The following DENND1A variants were observed in gnomAD, a reference collection of about 807,000 sequenced individuals.
DENND1A encodes DENN domain containing 1A, also known as DENN domain-containing protein 1A.
A neutral mutation model predicts 113.7 loss-of-function variants in DENND1A; 51 were observed. The observed-to-expected ratio is 0.45, with a 90% CI of 0.36 to 0.57. The LOEUF is 0.57. Among genes scored for constraint, DENND1A ranks in the 20% least tolerant of loss-of-function variants. The pLI is 0.00. For missense variants in DENND1A, 1,258 were observed against 1,395.9 expected, an observed-to-expected ratio of 0.90 and a Z score of 1.57; for synonymous variants, 565 against 570.8, an observed-to-expected ratio of 0.99 and a Z score of 0.14.
intron 19 of DENND1A, among the ~76,000 whole-genome samples, chr9:123,429,651 T>C (rs1271029662): frequency 2.0e-5 from 3 of 151,992 alleles, no homozygotes; most frequent in Non-Finnish European, 4.4e-5. Context: ...ATGCAGAAAA[T>C]TGAAAGTAGA....
intron 13 of DENND1A, among the ~76,000 whole-genome samples, chr9:123,522,627 A>C (rs957370017): frequency 6.6e-6 from 1 of 152,172 alleles, no homozygotes; most frequent in Non-Finnish European, 1.5e-5. Flanking sequence ...ACTTCACACC[A>C]AAGTGGGTGA....
chr9:123,640,313 G>A (rs2061959929), intron 9 of DENND1A, among the ~76,000 whole-genome samples: 1 of 152,220 alleles, frequency 6.6e-6, no homozygotes, highest in Admixed American at 6.5e-5. Context: ...AGACATCAGA[G>A]CCCTGAAGGT....
At chr9:123,810,414 A>G (rs1197803180) in intron 2 of DENND1A, among the ~76,000 whole-genome samples, 1 of 152,046 alleles carries the variant, frequency 6.6e-6, no homozygotes, top group Non-Finnish European at 1.5e-5. Context: ...CAAAGTTTTT[A>G]AAAAGAGAAA....
chr9:123,399,796 C>G (rs1424496780), intron 21 of DENND1A, among the ~76,000 whole-genome samples: 1 of 152,236 alleles, frequency 6.6e-6, no homozygotes, highest in Non-Finnish European at 1.5e-5. Context: ...CCAAGGACAG[C>G]ATCAGAATGT....
intron 2 of DENND1A, among the ~76,000 whole-genome samples, chr9:123,797,443 G>A (rs1475009376): frequency 1.3e-5 from 2 of 152,086 alleles, no homozygotes; most frequent in Non-Finnish European, 2.9e-5. Context: ...TTGAGAACAA[G>A]CTCAAATTTT....
At chr9:123,917,420 C>T (rs921683187) in intron 1 of DENND1A, among the ~76,000 whole-genome samples, 6 of 151,950 alleles carry the variant, frequency 3.9e-5, no homozygotes, top group South Asian at 2.1e-4. Context: ...CTAGGTATTG[C>T]GGGATAAAGC....
At chr9:123,569,652 A>G (rs1378114013) in intron 12 of DENND1A, 3 of 152,426 alleles carry the variant, frequency 2.0e-5, no homozygotes, top group African/African-American at 7.2e-5. Flanking sequence ...GTGGCCCAAG[A>G]CAGAACAGGG....
At chr9:123,479,742 C>T (rs536151660) in intron 13 of DENND1A, among the ~76,000 whole-genome samples, 4 of 152,368 alleles carry the variant, frequency 2.6e-5, no homozygotes, top group African/African-American at 9.6e-5. Context: ...CTGCAGGACC[C>T]CAAACGCCTT....
At chr9:123,849,526 A>G (rs1843049321) in intron 2 of DENND1A, among the ~76,000 whole-genome samples, 1 of 152,198 alleles carries the variant, frequency 6.6e-6, no homozygotes, top group Non-Finnish European at 1.5e-5. Flanking sequence ...AAAAAAGACA[A>G]TGCACCTGGT....
At chr9:123,760,375 T>G (rs1459882632) in intron 4 of DENND1A, among the ~76,000 whole-genome samples, 1 of 152,240 alleles carries the variant, frequency 6.6e-6, no homozygotes, top group Non-Finnish European at 1.5e-5. Flanking sequence ...GTCAATGGAC[T>G]CTGCCTGGTC....
intron 3 of DENND1A, among the ~76,000 whole-genome samples, chr9:123,780,567 G>C (rs1485477992): frequency 7.1e-6 from 1 of 140,888 alleles, no homozygotes; most frequent in Non-Finnish European, 1.6e-5. Context: ...GAATTGATCA[G>C]AGAATCAAAC....
intron 13 of DENND1A, among the ~76,000 whole-genome samples, chr9:123,487,120 T>C (rs2050947394): frequency 6.6e-6 from 1 of 152,162 alleles, no homozygotes; most frequent in Non-Finnish European, 1.5e-5. Context: ...ATAAAACAGA[T>C]AATGAAAAGC....
chr9:123,799,098 C>T (rs1312483999), intron 2 of DENND1A, among the ~76,000 whole-genome samples: 2 of 152,094 alleles, frequency 1.3e-5, no homozygotes, highest in African/African-American at 4.8e-5. Context: ...GACATCACTC[C>T]ATATGGTCTT....
chr9:123,423,960 G>A (rs2045517187), intron 19 of DENND1A, among the ~76,000 whole-genome samples: 1 of 152,190 alleles, frequency 6.6e-6, no homozygotes, highest in Non-Finnish European at 1.5e-5. Context: ...TGGTGGAAAT[G>A]GCCTGGGGGC....
rs1404052966 is a variant in DENND1A, at chr9:123,930,114, C to G, written c.-209G>C. 5.2e-6 allele frequency: 1 copy of G among 191,488 alleles called. No individual in the cohort carries two copies. The highest frequency in any genetic ancestry group is 1.1e-5 in the Non-Finnish European group (1 of 94,888). The allele number at this position is 191,488 out of a possible 1,614,324, so 11.9% of individuals were successfully genotyped here. A position where few individuals can be genotyped will look rare whatever the true frequency, so the allele number is the denominator to read the frequency against. On this transcript the variant is annotated 5_prime_UTR_variant, in exon 1 of 24. Transcript: ENST00000394215. ...GCTCCAGCCCGGCGAACGCCATGGTCGCCGGCGCGCGTGCCCGGCGCGCGC... is the reference window on the plus strand; with the variant it reads ...GCTCCAGCCCGGCGAACGCCATGGTGGCCGGCGCGCGTGCCCGGCGCGCGC...
chr9:123,647,326 G>A (rs982454665), intron 9 of DENND1A, among the ~76,000 whole-genome samples: 3 of 152,214 alleles, frequency 2.0e-5, no homozygotes, highest in Admixed American at 2.0e-4. Context: ...ATAAAGCTTT[G>A]TTGGCACACA....
chr9:123,914,949 A>AAGCTCAGGAGCCATGCTGATTAC (rs1854817690), intron 1 of DENND1A, among the ~76,000 whole-genome samples: 1 of 152,054 alleles, frequency 6.6e-6, no homozygotes. Flanking sequence ...CCTGAGTCCC[A>AAGCTCAGGAGCCATGCTGATTAC]AGCTCAGGAG....
At chr9:123,503,351 GCA>G (rs1479132706) in intron 13 of DENND1A, among the ~76,000 whole-genome samples, 2 of 152,130 alleles carry the variant, frequency 1.3e-5, no homozygotes, top group Non-Finnish European at 2.9e-5. Context: ...AGAGTACTTC[GCA>G]CAGCCCCTGG....
At chr9:123,559,994 C>T (rs895426116) in intron 12 of DENND1A, among the ~76,000 whole-genome samples, 3 of 124,720 alleles carry the variant, frequency 2.4e-5, no homozygotes, top group African/African-American at 8.9e-5. Context: ...GAACAAGGTT[C>T]GTCCATGTTG....
Sources: allele counts gnomAD v4.1 joint callset (sites outside exome capture counted in the v4.1 genomes callset), GRCh38; gene constraint gnomAD v4.1.1; transcripts MANE v1.5; gene names NCBI Gene and HGNC (gene_info 2026-07-23, HGNC 2026-07-21).